The following SCFD2 variants were observed in gnomAD, a reference collection of about 807,000 sequenced individuals.
SCFD2 encodes the protein sec1 family domain containing 2.
Under a neutral mutation model 58.9 loss-of-function variants are expected in SCFD2, and 54 were observed. That is an observed-to-expected ratio of 0.92 (90% CI 0.74 to 1.15). The LOEUF is 1.15. Among genes scored for constraint, SCFD2 ranks in the 50% most tolerant of loss-of-function variants. The pLI is 0.00. For synonymous variants in SCFD2, 321 were observed against 335.9 expected (o/e 0.96, Z 0.49); for missense variants, 805 against 836.6 (o/e 0.96, Z 0.47).
chr4:53,075,850 G>C (rs185941721), intron 5 of SCFD2, among the ~76,000 whole-genome samples: 2 of 152,186 alleles, frequency 1.3e-5, no homozygotes, highest in African/African-American at 4.8e-5. Flanking sequence ...GAAATATTGT[G>C]AGAGTTACCA....
chr4:53,061,997 G>A (rs572571573), intron 5 of SCFD2, among the ~76,000 whole-genome samples: 10 of 152,028 alleles, frequency 6.6e-5, no homozygotes, highest in African/African-American at 2.2e-4. Flanking sequence ...TTTAGTCTAG[G>A]GAGGTAACAA....
At chr4:53,076,950 C>T (rs1413370169) in intron 5 of SCFD2, among the ~76,000 whole-genome samples, 1 of 152,100 alleles carries the variant, frequency 6.6e-6, no homozygotes, top group South Asian at 2.1e-4. Flanking sequence ...TCAAAGTATG[C>T]CAAGTAAAGG....
chr4:53,046,138 C>T (rs1384593258), intron 5 of SCFD2, among the ~76,000 whole-genome samples: 1 of 152,162 alleles, frequency 6.6e-6, no homozygotes, highest in Admixed American at 6.5e-5. Context: ...AATATCCATA[C>T]TAAAAAATCT....
chr4:53,278,528 C>CA (rs34375006), intron 3 of SCFD2, among the ~76,000 whole-genome samples: 5,451 of 119,222 alleles, frequency 0.046, 119 homozygotes, highest in Non-Finnish European at 0.061. Flanking sequence ...GACTCCATCT[C>CA]AAAAAAAAAA....
intron 4 of SCFD2, among the ~76,000 whole-genome samples, chr4:53,221,919 A>G (rs1729058151): frequency 6.6e-6 from 1 of 152,204 alleles, no homozygotes; most frequent in African/African-American, 2.4e-5. Context: ...CAACAACAAA[A>G]TACTACATTA....
At chr4:53,095,849 T>A (rs909385423) in intron 5 of SCFD2, among the ~76,000 whole-genome samples, 42 of 152,140 alleles carry the variant, frequency 2.8e-4, no homozygotes, top group Non-Finnish European at 4.9e-4. Flanking sequence ...TAGGTATATA[T>A]CCTAATGCTA....
At chr4:52,981,472 C>T (rs534355366) in intron 5 of SCFD2, among the ~76,000 whole-genome samples, 1 of 152,024 alleles carries the variant, frequency 6.6e-6, no homozygotes, top group Non-Finnish European at 1.5e-5. Flanking sequence ...TTCCAATGGG[C>T]CTGTGGCTAA....
chr4:53,114,505 A>G (rs1206610541), intron 5 of SCFD2, among the ~76,000 whole-genome samples: 1 of 152,160 alleles, frequency 6.6e-6, no homozygotes, highest in Non-Finnish European at 1.5e-5. Flanking sequence ...TACTCAATCC[A>G]GCCCAAAAGC....
intron 5 of SCFD2, among the ~76,000 whole-genome samples, chr4:53,032,110 C>T (rs1167683405): frequency 6.6e-6 from 1 of 152,120 alleles, no homozygotes; most frequent in Non-Finnish European, 1.5e-5. Flanking sequence ...ACTCTACAAG[C>T]CAGAAGAGAG....
intron 5 of SCFD2, among the ~76,000 whole-genome samples, chr4:53,059,659 C>A (rs902811889): frequency 6.6e-6 from 1 of 151,636 alleles, no homozygotes; most frequent in African/African-American, 2.4e-5. Context: ...AATCTGCATT[C>A]CTCTTCTTCC....
intron 2 of SCFD2, among the ~76,000 whole-genome samples, chr4:53,327,034 T>C (rs1733222374): frequency 6.6e-6 from 1 of 150,974 alleles, no homozygotes; most frequent in Admixed American, 6.6e-5. Context: ...AAAAACTTCA[T>C]AATTTAATCC....
intron 7 of SCFD2, among the ~76,000 whole-genome samples, chr4:52,899,105 T>C (rs1719107715): frequency 1.3e-5 from 2 of 152,256 alleles, no homozygotes; most frequent in South Asian, 4.1e-4. Flanking sequence ...CTTTATCCGA[T>C]TTGCCAGTCT....
At chr4:53,221,549 T>C (rs1266938470) in intron 4 of SCFD2, among the ~76,000 whole-genome samples, 1 of 152,250 alleles carries the variant, frequency 6.6e-6, no homozygotes, top group Non-Finnish European at 1.5e-5. Context: ...TCCCCATCTG[T>C]AACTTCCTCT....
chr4:53,118,313 G>T, intron 5 of SCFD2, among the ~76,000 whole-genome samples: 1 of 152,170 alleles, frequency 6.6e-6, no homozygotes, highest in Non-Finnish European at 1.5e-5. Flanking sequence ...AGCTCAAGCA[G>T]TTCGTGGTCT....
intron 4 of SCFD2, among the ~76,000 whole-genome samples, chr4:53,238,425 G>A (rs1311384828): frequency 6.8e-5 from 10 of 147,086 alleles, no homozygotes; most frequent in African/African-American, 1.3e-4. Context: ...CCTCCCTCCC[G>A]GATGGGCGGC....
intron 4 of SCFD2, among the ~76,000 whole-genome samples, chr4:53,230,340 C>G (rs548162220): frequency 1.4e-4 from 22 of 152,068 alleles, no homozygotes; most frequent in Non-Finnish European, 2.4e-4. Flanking sequence ...TATTGCGGCA[C>G]TATTCACAAT....
rs145669258 is a variant in SCFD2, at chr4:53,142,871, A to C, written c.1561+2462T>G. On this transcript the variant is annotated intron_variant, in intron 5 of 8. Transcript: ENST00000401642. ...AAATGTGTGTGTGTGTTCCAGTGGT[A>C]AGTTTGAATATGTCAAATTTATTTG... Among the ~76,000 whole-genome samples, 15 of 152,302 alleles carry C rather than the reference A, an allele frequency of 9.8e-5. No individual in the cohort carries two copies. In the East Asian group the frequency reaches 2.3e-3, roughly 24 times the overall value.
intron 5 of SCFD2, among the ~76,000 whole-genome samples, chr4:53,122,761 G>A (rs1259939335): frequency 6.6e-6 from 1 of 152,148 alleles, no homozygotes; most frequent in Non-Finnish European, 1.5e-5. Context: ...TACTTCACAG[G>A]ATTGCTATGA....
intron 5 of SCFD2, among the ~76,000 whole-genome samples, chr4:53,078,907 C>A (rs997305154): frequency 4.6e-5 from 7 of 152,172 alleles, no homozygotes; most frequent in Non-Finnish European, 1.0e-4. Context: ...ACCAAATGTT[C>A]ATTTTACCCC....
Sources: allele counts gnomAD v4.1 joint callset (sites outside exome capture counted in the v4.1 genomes callset), GRCh38; gene constraint gnomAD v4.1.1; transcripts MANE v1.5; gene names NCBI Gene and HGNC (gene_info 2026-07-23, HGNC 2026-07-21).